TGFB2: variants seen among roughly 807,000 people sequenced by gnomAD.
The protein encoded by TGFB2 is transforming growth factor beta 2, also known as transforming growth factor beta-2 proprotein.
A neutral mutation model predicts 42.7 loss-of-function variants in TGFB2; 13 were observed. That is an observed-to-expected ratio of 0.30 (90% CI 0.20 to 0.48). The LOEUF (loss-of-function observed/expected upper bound fraction) is 0.48. Ranked by LOEUF, TGFB2 falls within the 20% of genes least tolerant of loss-of-function variation. The probability of loss-of-function intolerance (pLI) is 0.99; values close to 1 mark genes in which losing one functional copy is unlikely to be tolerated. For missense variants in TGFB2, 390 were observed against 517.5 expected, an observed-to-expected ratio of 0.75 and a Z score of 2.39; for synonymous variants, 193 against 193.6, an observed-to-expected ratio of 1.00 and a Z score of 0.03.
intron 1 of TGFB2, among the ~76,000 whole-genome samples, chr1:218,390,688 G>C (rs1287024129): frequency 6.6e-6 from 1 of 152,174 alleles, no homozygotes; most frequent in Non-Finnish European, 1.5e-5. Context: ...CTCACAAACA[G>C]TGGCCCAACC....
chr1:218,377,203 G>C (rs1196870852), intron 1 of TGFB2, among the ~76,000 whole-genome samples: 1 of 152,220 alleles, frequency 6.6e-6, no homozygotes, highest in Admixed American at 6.5e-5. Context: ...ACTTTTAGGA[G>C]AAGCAGTCCC....
chr1:218,346,038 C>G lies in TGFB2; in HGVS notation c.-664C>G, dbSNP rs939473057. On this transcript the variant is annotated 5_prime_UTR_variant, in exon 1 of 7. Coordinates refer to ENST00000366930, the MANE Select transcript of TGFB2 (RefSeq NM_003238.6). This position sits in a 1 kb window ranked among gnomAD's most constrained non-coding sequence, Gnocchi z 4.9. ...TCCTCCCCGCGGTGCGCTGGGCTCG[C>G]CCCCAGCGCGCGCACACGCACACAC... 6.7e-6 allele frequency among the ~76,000 whole-genome samples: 1 copy of G among 148,580 alleles called. No homozygotes were observed. The highest frequency in any genetic ancestry group is 1.5e-5 in the Non-Finnish European group (1 of 67,458).
intron 1 of TGFB2, among the ~76,000 whole-genome samples, chr1:218,355,182 G>T (rs575063636): frequency 6.6e-6 from 1 of 152,160 alleles, no homozygotes; most frequent in Non-Finnish European, 1.5e-5. Flanking sequence ...TTATAGGCCC[G>T]AGCCACCGTG....
At chr1:218,382,697 A>G (rs1658004134) in intron 1 of TGFB2, among the ~76,000 whole-genome samples, 1 of 152,208 alleles carries the variant, frequency 6.6e-6, no homozygotes, top group South Asian at 2.1e-4. Context: ...ATGATTTTCT[A>G]TCACTTGAAA....
chr1:218,433,984 A>C, intron 2 of TGFB2, 98 bp from the exon 3 acceptor site: 2 of 1,510,198 alleles, frequency 1.3e-6, no homozygotes, highest in Non-Finnish European at 1.8e-6. Flanking sequence ...AGTAGAGCTA[A>C]ATTTAGGTAA....
At chr1:218,369,260 A>G (rs1355943447) in intron 1 of TGFB2, among the ~76,000 whole-genome samples, 1 of 53,976 alleles carries the variant, frequency 1.9e-5, no homozygotes, top group African/African-American at 1.2e-4. Flanking sequence ...GTCTCAGAAA[A>G]AAAAAAAAAA....
Position 218,346,753 on chromosome 1 carries a change from G to T in TGFB2, c.52G>T (p.Ala18Ser), listed in dbSNP as rs886045975. ...AFLILHLVTV[A>S]LSLSTCSTLD... ...TCTGATCCTGCATCTGGTCACGGTC[G>T]CGCTCAGCCTGTCTACCTGCAGCAC... The change falls in exon 1 of 7, where the codon GCG (alanine) becomes TCG (serine). Residue 18 changes from alanine to serine, a missense_variant. Transcript: ENST00000366930. The surrounding 1 kb of genome is among the most constrained non-coding windows in gnomAD (Gnocchi z 4.9). 2 of 1,613,946 alleles carry T rather than the reference G, an allele frequency of 1.2e-6. No homozygotes were observed. Among genetic ancestry groups the T allele is most frequent in the Non-Finnish European group, 1.7e-6 (2 of 1,180,022 alleles).
intron 1 of TGFB2, among the ~76,000 whole-genome samples, chr1:218,371,876 AC>A (rs1490388891): frequency 6.6e-6 from 1 of 152,144 alleles, no homozygotes; most frequent in African/African-American, 2.4e-5. Flanking sequence ...CCCATCTATA[AC>A]TTGAACCTTA....
chr1:218,432,266 C>T (rs1056224549), intron 2 of TGFB2, among the ~76,000 whole-genome samples: 21 of 152,178 alleles, frequency 1.4e-4, no homozygotes, highest in African/African-American at 4.1e-4. Context: ...AAGCCCAGAG[C>T]GTAGTGTACC....
chr1:218,361,594 GA>G (rs1463532914), intron 1 of TGFB2, among the ~76,000 whole-genome samples: 2 of 152,150 alleles, frequency 1.3e-5, no homozygotes, highest in African/African-American at 4.8e-5. Flanking sequence ...ATAGTTTGAA[GA>G]AAAAGTATTG....
At chr1:218,404,813 A>T (rs1658852304) in intron 1 of TGFB2, among the ~76,000 whole-genome samples, 2 of 152,218 alleles carry the variant, frequency 1.3e-5, no homozygotes, top group South Asian at 4.1e-4. Context: ...ATTAAAGTGT[A>T]TGCAGGCCTG....
rs545930205 is a variant in TGFB2, at chr1:218,394,008, G to A, written c.347-11161G>A. ...TGCAAGCTCCACCTCCCGGGTTAAC[G>A]CCATTCTCCTGCCTCAGCCTCCCGA... On this transcript the variant is annotated intron_variant, in intron 1 of 6. Transcript: ENST00000366930. Among the ~76,000 whole-genome samples the A allele has an allele frequency of 5.3e-5, 8 of 151,466 alleles. No homozygotes were observed. The South Asian group carries it at 1.3e-3, about 24-fold the overall frequency.
chr1:218,352,535 T>A (rs1177994238), intron 1 of TGFB2, among the ~76,000 whole-genome samples: 2 of 152,248 alleles, frequency 1.3e-5, no homozygotes, highest in African/African-American at 4.8e-5. Flanking sequence ...TGGGTTTGTT[T>A]AGACTGAAAA....
chr1:218,366,722 G>A (rs575712253), intron 1 of TGFB2, among the ~76,000 whole-genome samples: 1 of 152,370 alleles, frequency 6.6e-6, no homozygotes, highest in East Asian at 1.9e-4. Context: ...GGTGGGTGGA[G>A]CTGAGGACTC....
chr1:218,401,288 T>G (rs1351405765), intron 1 of TGFB2, among the ~76,000 whole-genome samples: 5 of 152,222 alleles, frequency 3.3e-5, no homozygotes, highest in Non-Finnish European at 7.3e-5. Flanking sequence ...TTTTGTATAC[T>G]GTTACTTTGG....
chr1:218,392,040 C>G (rs1239442324), intron 1 of TGFB2, among the ~76,000 whole-genome samples: 2 of 152,118 alleles, frequency 1.3e-5, no homozygotes, highest in Non-Finnish European at 2.9e-5. Context: ...AGAGAAGATG[C>G]AAAAACTGGC....
chr1:218,349,577 A>G (rs1656802573), intron 1 of TGFB2, among the ~76,000 whole-genome samples: 1 of 152,166 alleles, frequency 6.6e-6, no homozygotes, highest in Admixed American at 6.5e-5. Flanking sequence ...TTTACCATCA[A>G]CTTATTAGCG....
intron 1 of TGFB2, among the ~76,000 whole-genome samples, chr1:218,386,287 A>G (rs1658135527): frequency 6.6e-6 from 1 of 152,230 alleles, no homozygotes; most frequent in African/African-American, 2.4e-5. Flanking sequence ...CAGTCTCTTC[A>G]TTCACACAAT....
At chr1:218,400,744 C>T (rs1658687598) in intron 1 of TGFB2, among the ~76,000 whole-genome samples, 2 of 152,208 alleles carry the variant, frequency 1.3e-5, no homozygotes, top group Non-Finnish European at 2.9e-5. Context: ...GCACTGCCAG[C>T]TTGTGGTGGG....
Sources: gnomAD v4.1 joint callset for allele counts (sites outside exome capture counted in the v4.1 genomes callset) on GRCh38, gnomAD v4.1.1 for gene constraint, Gnocchi (gnomAD v3.1) non-coding constraint, MANE v1.5 for transcripts, NCBI Gene and HGNC (gene_info 2026-07-23, HGNC 2026-07-21) for gene names.